The following RPS6KA1 variants were observed in gnomAD, a reference collection of about 807,000 sequenced individuals.
The protein encoded by RPS6KA1 is ribosomal protein S6 kinase A1, also known as ribosomal protein S6 kinase alpha-1.
A neutral mutation model predicts 91.3 loss-of-function variants in RPS6KA1; 48 were observed. That is an observed-to-expected ratio of 0.53 (90% CI 0.42 to 0.67). The LOEUF (loss-of-function observed/expected upper bound fraction) is 0.67, where lower values mean the gene tolerates loss of function less well. RPS6KA1 is among the 30% of genes least tolerant of loss of function. The probability of loss-of-function intolerance (pLI) is 0.00; values close to 1 mark genes in which losing one functional copy is unlikely to be tolerated. For synonymous variants in RPS6KA1, 359 were observed against 384.7 expected (o/e 0.93, Z 0.78); for missense variants, 719 against 960.5 (o/e 0.75, Z 3.32).
At chr1:26,573,412 C>A in intron 21 of RPS6KA1, 51 bp downstream of exon 21, 1 of 1,607,902 alleles carries the variant, frequency 6.2e-7, no homozygotes, top group Non-Finnish European at 8.5e-7. Flanking sequence ...CCCAAGGTGG[C>A]ATGGTCAGGG....
At chr1:26,573,902 C>T (rs1018596541) in intron 21 of RPS6KA1, among the ~76,000 whole-genome samples, 177 bp from the exon 22 acceptor site, 19 of 151,136 alleles carry the variant, frequency 1.3e-4, no homozygotes, top group African/African-American at 4.4e-4. Flanking sequence ...TGTGCCATTG[C>T]GTTCCAGCCT....
intron 11 of RPS6KA1, 114 bp from the exon 12 acceptor site, chr1:26,556,540 T>A: frequency 1.8e-6 from 2 of 1,099,008 alleles, no homozygotes; most frequent in East Asian, 4.8e-5. Context: ...GTGAGCCCAT[T>A]TTCCCCTCTG....
rs1341622513 is a variant in RPS6KA1 at position 26,563,039 on chromosome 1, A to T, written c.1590+1376A>T. Among the ~76,000 whole-genome samples, 5 of 151,696 alleles carry T rather than the reference A, an allele frequency of 3.3e-5. No homozygotes were observed. In the South Asian group the frequency reaches 6.3e-4, roughly 19 times the overall value. ...TTTTTAGTAGAGATGGGGTTTCACCATGTTGGCCAGGCTGGTCTCAAACTC... is the reference window on the plus strand; with the variant it reads ...TTTTTAGTAGAGATGGGGTTTCACCTTGTTGGCCAGGCTGGTCTCAAACTC... On this transcript the variant is annotated intron_variant, in intron 17 of 21. Transcript: ENST00000374168.
intron 1 of RPS6KA1, among the ~76,000 whole-genome samples, chr1:26,534,576 T>C (rs982463515): frequency 2.0e-5 from 3 of 152,144 alleles, no homozygotes; most frequent in African/African-American, 7.2e-5. Flanking sequence ...TCAGTTTAGC[T>C]CAAAAATAGG....
intron 2 of RPS6KA1, among the ~76,000 whole-genome samples, chr1:26,538,725 G>A (rs2075924855): frequency 6.6e-6 from 1 of 152,196 alleles, no homozygotes; most frequent in Non-Finnish European, 1.5e-5. Flanking sequence ...TTGGCTTCAA[G>A]GTCATTCCTC....
Position 26,571,379 on chromosome 1 carries a change from C to T in RPS6KA1, c.1591-70C>T. 6.7e-7 allele frequency: 1 copy of T among 1,490,502 alleles called. No individual in the cohort carries two copies. The highest frequency in any genetic ancestry group is 9.3e-7 in the Non-Finnish European group (1 of 1,075,840). The allele number at this position is 1,490,502 out of a possible 1,614,324, so 92.3% of individuals were successfully genotyped here. A position where few individuals can be genotyped will look rare whatever the true frequency, so the allele number is the denominator to read the frequency against. ...CACCCTGTCTGTGTAGCTTTCTAATCTCTGGCCGCTGACCTGGGCCACTAG... is the reference window on the plus strand; with the variant it reads ...CACCCTGTCTGTGTAGCTTTCTAATTTCTGGCCGCTGACCTGGGCCACTAG... On this transcript the variant is annotated intron_variant, in intron 17 of 21. Transcript: ENST00000374168. This position sits in a 1 kb window ranked among gnomAD's most constrained non-coding sequence, Gnocchi z 5.1.
chr1:26,544,109 C>A (rs2075970944), intron 2 of RPS6KA1: 1 of 456,312 alleles, frequency 2.2e-6, no homozygotes, highest in Non-Finnish European at 4.4e-6. Flanking sequence ...CTGCCCTTAA[C>A]CCCTTCCTGG....
chr1:26,545,830 G>A, intron 2 of RPS6KA1: 1 of 1,464,024 alleles, frequency 6.8e-7, no homozygotes, highest in Non-Finnish European at 9.0e-7. Flanking sequence ...ATCCGCCTTG[G>A]TCCCGGCCAC....
intron 17 of RPS6KA1, among the ~76,000 whole-genome samples, chr1:26,564,122 CAAATAAAAAATAA>C (rs2076177945): frequency 6.6e-6 from 1 of 151,686 alleles, no homozygotes; most frequent in African/African-American, 2.4e-5. Context: ...AACCCTGTCT[CAAATAAAAAATAA>C]AAATAAAAAA....
chr1:26,572,795 C>T (rs189330749), intron 20 of RPS6KA1, among the ~76,000 whole-genome samples: 59 of 152,282 alleles, frequency 3.9e-4, no homozygotes, highest in African/African-American at 1.3e-3. Flanking sequence ...CCTCTATGTA[C>T]GGCCGGCCAC....
intron 17 of RPS6KA1, among the ~76,000 whole-genome samples, chr1:26,562,348 C>T (rs573731469): frequency 5.9e-5 from 9 of 152,204 alleles, no homozygotes; most frequent in African/African-American, 1.4e-4. Flanking sequence ...TCACATAGCC[C>T]GGGAAGAATG....
intron 2 of RPS6KA1, chr1:26,543,204 G>A: frequency 5.2e-6 from 8 of 1,535,530 alleles, no homozygotes; most frequent in Non-Finnish European, 7.0e-6. Flanking sequence ...GAGAGACTTG[G>A]TTCCCTGTCC....
intron 2 of RPS6KA1, among the ~76,000 whole-genome samples, chr1:26,538,275 TGAA>T (rs1415078743): frequency 6.6e-6 from 1 of 152,174 alleles, no homozygotes; most frequent in Non-Finnish European, 1.5e-5. Context: ...AGTAACAAAA[TGAA>T]GAACTGTAGG....
rs2124614067 is a variant in RPS6KA1 at position 26,536,149 on chromosome 1, G to A, written c.64-776G>A. On this transcript the variant is annotated intron_variant, in intron 1 of 21. Transcript: ENST00000374168. ...AGCCTCAGCAACAGAGCAAAACTCT[G>A]TCTAAAAAAAAAAAAAAAAAAAAAA... Among the ~76,000 whole-genome samples, 2 of 109,708 alleles carry A rather than the reference G, an allele frequency of 1.8e-5. 1 individual carries two copies. Among genetic ancestry groups the A allele is most frequent in the South Asian group, 7.1e-4 (2 of 2,806 alleles). The allele number at this position is 109,708 out of a possible 152,430, so 72.0% of individuals were successfully genotyped here.
chr1:26,556,265 A>G (rs144739422), intron 11 of RPS6KA1: 12 of 259,410 alleles, frequency 4.6e-5, no homozygotes, highest in Non-Finnish European at 8.3e-5. Flanking sequence ...GAATGGAGTA[A>G]CAGCCTGTCC....
At chr1:26,556,599 T>A in intron 11 of RPS6KA1, 55 bp from the exon 12 acceptor site, 1 of 1,585,042 alleles carries the variant, frequency 6.3e-7, no homozygotes, top group Non-Finnish European at 8.7e-7. Context: ...GTGGGCAGGG[T>A]AATATCTGGG....
At chr1:26,556,625 G>A in intron 11 of RPS6KA1, 29 bp from the exon 12 acceptor site, 1 of 1,613,560 alleles carries the variant, frequency 6.2e-7, no homozygotes, top group African/African-American at 1.3e-5. Context: ...TGCCAGCCAG[G>A]GACAGACCCT....
chr1:26,533,204 T>C (rs112750178), intron 1 of RPS6KA1, among the ~76,000 whole-genome samples: 40,146 of 152,026 alleles, frequency 0.26, 5,404 homozygotes, highest in African/African-American at 0.31. Context: ...TTCAGCCTCC[T>C]GAGTAGCTGG....
Position 26,529,770 on chromosome 1 carries a change from G to C in RPS6KA1, c.-151G>C, listed in dbSNP as rs2075853552. On this transcript the variant is annotated 5_prime_UTR_variant, in exon 1 of 22. Coordinates refer to ENST00000374168, the MANE Select transcript of RPS6KA1 (RefSeq NM_002953.4). The surrounding 1 kb of genome is among the most constrained non-coding windows in gnomAD (Gnocchi z 4.2). ...GGTGACGGAGGGAGCCGAAGTGCTAGTGCCGCGGCGGCGGCGGCGGACGGC... is the reference window on the plus strand; with the variant it reads ...GGTGACGGAGGGAGCCGAAGTGCTACTGCCGCGGCGGCGGCGGCGGACGGC... 3 of 389,110 alleles carry C rather than the reference G, an allele frequency of 7.7e-6. No homozygotes were observed. The highest frequency in any genetic ancestry group is 2.2e-4 in the South Asian group (2 of 9,048). The allele number at this position is 389,110 out of a possible 1,614,324, so 24.1% of individuals were successfully genotyped here.
Sources: allele counts gnomAD v4.1 joint callset (sites outside exome capture counted in the v4.1 genomes callset), GRCh38; gene constraint gnomAD v4.1.1; non-coding constraint Gnocchi (gnomAD v3.1); transcripts MANE v1.5; gene names NCBI Gene and HGNC (gene_info 2026-07-23, HGNC 2026-07-21).